C2CD3: variants seen among roughly 807,000 people sequenced by gnomAD.
The protein encoded by C2CD3 is C2 domain-containing protein 3.
In C2CD3, 148 loss-of-function variants were observed where a neutral mutation model predicts 234.0. The ratio of observed to expected loss-of-function variants is 0.63; its 90% CI spans 0.55 to 0.72. The LOEUF is 0.72. Among genes scored for constraint, C2CD3 ranks in the 30% least tolerant of loss-of-function variants. The pLI, the probability that C2CD3 is intolerant of heterozygous loss-of-function variation, is 0.00. For missense variants in C2CD3, 2,577 were observed against 2,811.5 expected (o/e 0.92, Z 1.89); for synonymous variants, 1,000 against 1,035.4 (o/e 0.97, Z 0.66).
At chr11:74,041,949 C>T in intron 29 of C2CD3, 105 bp downstream of exon 29, 1 of 1,137,686 alleles carries the variant, frequency 8.8e-7, no homozygotes, top group Non-Finnish European at 1.3e-6. Context: ...ACTAATGTTC[C>T]TAGGGCGGTG....
At chr11:74,103,018 A>C (rs1209042424) in intron 14 of C2CD3, 113 bp downstream of exon 14, 2 of 1,052,896 alleles carry the variant, frequency 1.9e-6, no homozygotes, top group Non-Finnish European at 2.8e-6. Context: ...CCAGATAATT[A>C]CGAAGGTTCC....
chr11:74,030,000 C>T (rs1014100057), intron 31 of C2CD3, among the ~76,000 whole-genome samples: 1 of 152,176 alleles, frequency 6.6e-6, no homozygotes, highest in African/African-American at 2.4e-5. Flanking sequence ...AAGTGATCCT[C>T]CCACCTTGGC....
chr11:74,039,994 A>C (rs1219513306), intron 29 of C2CD3, among the ~76,000 whole-genome samples: 1 of 152,216 alleles, frequency 6.6e-6, no homozygotes, highest in African/African-American at 2.4e-5. Flanking sequence ...TTCGTAAAAT[A>C]ACTTTGGGCA....
chr11:74,070,544 A>G (rs1182039249), intron 24 of C2CD3: 1 of 152,158 alleles, frequency 6.6e-6, no homozygotes, highest in Non-Finnish European at 1.5e-5. Context: ...TCTTGCTGCC[A>G]CCTTGCTTGT....
intron 24 of C2CD3, among the ~76,000 whole-genome samples, chr11:74,072,923 G>A (rs992147913): frequency 1.3e-5 from 2 of 152,138 alleles, no homozygotes; most frequent in African/African-American, 2.4e-5. Flanking sequence ...CAGGGGCAAA[G>A]TGCCAGGGGA....
intron 7 of C2CD3, among the ~76,000 whole-genome samples, chr11:74,130,577 CCA>C (rs964058773): frequency 6.6e-6 from 1 of 152,060 alleles, no homozygotes; most frequent in African/African-American, 2.4e-5. Flanking sequence ...TGTTCCAGCA[CCA>C]TTTGTTGAAA....
chr11:74,025,901 T>C (rs1299270765), intron 32 of C2CD3, among the ~76,000 whole-genome samples: 1 of 152,184 alleles, frequency 6.6e-6, no homozygotes, highest in Non-Finnish European at 1.5e-5. Context: ...ATGGATGTCT[T>C]GCTCCAAAGC....
intron 20 of C2CD3, among the ~76,000 whole-genome samples, chr11:74,089,291 G>A (rs755315991): frequency 3.0e-4 from 45 of 152,134 alleles, no homozygotes; most frequent in Non-Finnish European, 5.7e-4. Flanking sequence ...ATGTACCCCT[G>A]TATCTAAAAT....
chr11:74,118,577 C>T (rs1224761023), intron 8 of C2CD3, among the ~76,000 whole-genome samples, 195 bp from the exon 9 acceptor site: 1 of 152,170 alleles, frequency 6.6e-6, no homozygotes, highest in Non-Finnish European at 1.5e-5. Context: ...AAATAACCTA[C>T]AAGTTCAGTT....
intron 8 of C2CD3, among the ~76,000 whole-genome samples, chr11:74,119,724 C>T (rs966308041): frequency 1.3e-5 from 2 of 151,678 alleles, no homozygotes; most frequent in East Asian, 3.9e-4. Context: ...CAACCTCTGC[C>T]TCCCAGGTTC....
chr11:74,015,917 G>GA (rs572858351), intron 32 of C2CD3, among the ~76,000 whole-genome samples: 9 of 149,104 alleles, frequency 6.0e-5, no homozygotes, highest in East Asian at 2.0e-4. Flanking sequence ...AAAAAAAAAG[G>GA]AAAAAAAAAA....
chr11:74,097,714 T>A (rs1378067031), intron 16 of C2CD3, among the ~76,000 whole-genome samples: 2 of 152,230 alleles, frequency 1.3e-5, no homozygotes, highest in Non-Finnish European at 2.9e-5. Context: ...GGGATCACTC[T>A]CCACTCCCAA....
At chr11:74,082,207 C>T (rs1392001740) in intron 22 of C2CD3, among the ~76,000 whole-genome samples, 1 of 151,816 alleles carries the variant, frequency 6.6e-6, no homozygotes, top group Non-Finnish European at 1.5e-5. Flanking sequence ...ACTCCGCCTC[C>T]CGGGTTCATG....
At chr11:74,099,712 C>G (rs985099978) in intron 15 of C2CD3, among the ~76,000 whole-genome samples, 1 of 151,898 alleles carries the variant, frequency 6.6e-6, no homozygotes, top group African/African-American at 2.4e-5. Context: ...CTGGTTAAGA[C>G]GGTGAAACCC....
At chr11:74,085,464 T>C (rs1383444012) in intron 21 of C2CD3, 154 bp downstream of exon 21, 10 of 709,592 alleles carry the variant, frequency 1.4e-5, no homozygotes, top group Non-Finnish European at 9.2e-6. Flanking sequence ...ACTTAGTACA[T>C]ATCCTTATTT....
chr11:74,023,264 C>G (rs932308328), intron 32 of C2CD3, among the ~76,000 whole-genome samples: 1 of 152,200 alleles, frequency 6.6e-6, no homozygotes, highest in Admixed American at 6.5e-5. Context: ...GGCTGTTAGC[C>G]CTGACCCGGA....
At chr11:74,049,155 C>A (rs1191717366) in intron 27 of C2CD3, among the ~76,000 whole-genome samples, 182 bp downstream of exon 27, 1 of 152,194 alleles carries the variant, frequency 6.6e-6, no homozygotes. Flanking sequence ...CAAAGTTGTG[C>A]AACCATCACT....
At position 74,033,664 on chromosome 11, in the gene C2CD3, C is replaced by T. The variant is rs1356643128; in HGVS notation, c.6496G>A (p.Glu2166Lys). The T allele has an allele frequency of 8.5e-6, 13 of 1,536,072 alleles. No individual in the cohort carries two copies. The highest frequency in any genetic ancestry group is 5.9e-5 in the South Asian group (5 of 84,058). ...CEASKARVGG[E>K]SASANPQPIP... is the part of the protein sequence containing the mutation. Reference sequence around the variant, plus strand: ...GGCTGAGGGTTGGCTGAGGCAGACTCGCCACCAACCCTGGCCTTAGAGGCC... The same window carrying T: ...GGCTGAGGGTTGGCTGAGGCAGACTTGCCACCAACCCTGGCCTTAGAGGCC... The change falls in exon 31 of 33, where the codon GAG (glutamate) becomes AAG (lysine). Residue 2166 changes from glutamate to lysine, a missense_variant. Coordinates refer to ENST00000334126, the MANE Select transcript of C2CD3 (RefSeq NM_001286577.2).
chr11:74,104,288 GA>G (rs1450277069), intron 13 of C2CD3, among the ~76,000 whole-genome samples: 1 of 152,120 alleles, frequency 6.6e-6, no homozygotes, highest in Non-Finnish European at 1.5e-5. Flanking sequence ...TCCTGGACTA[GA>G]AAAAAATATT....
Sources: allele counts gnomAD v4.1 joint callset (sites outside exome capture counted in the v4.1 genomes callset), GRCh38; gene constraint gnomAD v4.1.1; transcripts MANE v1.5; gene names NCBI Gene and HGNC (gene_info 2026-07-23, HGNC 2026-07-21).